Variants in DYM observed in about 807,000 individuals in gnomAD.
DYM encodes the protein dyggve-Melchior-Clausen syndrome protein.
Under a neutral mutation model 93.1 loss-of-function variants are expected in DYM, and 78 were observed. The ratio of observed to expected loss-of-function variants is 0.84; its 90% CI spans 0.70 to 1.01. The LOEUF (loss-of-function observed/expected upper bound fraction) is 1.01. Ranked by LOEUF, DYM falls within the 50% of genes least tolerant of loss-of-function variation. The pLI is 0.00. For synonymous variants in DYM, 321 were observed against 319.7 expected (o/e 1.00, Z -0.04); for missense variants, 789 against 845.0 (o/e 0.93, Z 0.82).
intron 1 of DYM, among the ~76,000 whole-genome samples, chr18:49,435,207 CAAAAAAAAA>C (rs150003482): frequency 2.3e-5 from 2 of 88,768 alleles, no homozygotes. Context: ...GACTCCATCT[CAAAAAAAAA>C]AAAAAAAAAA....
intron 17 of DYM, among the ~76,000 whole-genome samples, chr18:49,058,155 C>T (rs1013495558): frequency 6.6e-6 from 1 of 152,184 alleles, no homozygotes; most frequent in African/African-American, 2.4e-5. Flanking sequence ...CCTTCTCTAT[C>T]ATGATTTTTT....
intron 1 of DYM, among the ~76,000 whole-genome samples, chr18:49,438,425 C>G (rs75841071): frequency 0.091 from 13,891 of 152,048 alleles, 856 homozygotes; most frequent in East Asian, 0.31. Flanking sequence ...AAATAACAGG[C>G]GGCCAGAAGC....
At chr18:49,206,437 GTC>G (rs1446411338) in intron 14 of DYM, 1 of 152,194 alleles carries the variant, frequency 6.6e-6, no homozygotes, top group African/African-American at 2.4e-5. Flanking sequence ...GGCTTGGTTT[GTC>G]TCTCTATATA....
intron 14 of DYM, among the ~76,000 whole-genome samples, chr18:49,178,358 C>A (rs886702580): frequency 3.9e-5 from 6 of 152,020 alleles, no homozygotes; most frequent in African/African-American, 1.4e-4. Context: ...TTTAGTACAT[C>A]AGTACATGCT....
chr18:49,169,896 G>A (rs1347664351), intron 14 of DYM, among the ~76,000 whole-genome samples: 1 of 152,162 alleles, frequency 6.6e-6, no homozygotes, highest in African/African-American at 2.4e-5. Context: ...TCCAAATAAA[G>A]AGATGAGGAT....
intron 17 of DYM, among the ~76,000 whole-genome samples, chr18:49,049,081 G>A (rs972020462): frequency 1.3e-5 from 2 of 152,172 alleles, no homozygotes; most frequent in African/African-American, 2.4e-5. Flanking sequence ...AAGAGAAGAC[G>A]TGTAGATTTT....
At chr18:49,225,570 TATAAC>T (rs1384862112) in intron 13 of DYM, among the ~76,000 whole-genome samples, 10 of 152,124 alleles carry the variant, frequency 6.6e-5, no homozygotes, top group African/African-American at 1.7e-4. Flanking sequence ...CTCTTTACAA[TATAAC>T]ATAACAATAT....
rs1281635923 is a variant in DYM at position 49,440,129 on chromosome 18, G to A, written c.-53-9682C>T. On this transcript the variant is annotated intron_variant, in intron 1 of 17. Coordinates refer to ENST00000675505, the MANE Select transcript of DYM (RefSeq NM_001353214.3). ...ATAAAGTCAATCTCCTCTTTTATGT[G>A]TACTGACTATCTCTTGATTTGATGT... Among the ~76,000 whole-genome samples, 2 of 139,578 alleles carry A rather than the reference G, an allele frequency of 1.4e-5. 1 individual carries two copies. Among genetic ancestry groups the A allele is most frequent in the African/African-American group, 5.2e-5 (2 of 38,730 alleles). 91.6% of individuals were successfully genotyped at this position (139,578 alleles called of 152,430 possible).
At chr18:49,363,117 T>C (rs1464439577) in intron 6 of DYM, 44 bp downstream of exon 6, 2 of 1,475,996 alleles carry the variant, frequency 1.4e-6, no homozygotes, top group African/African-American at 1.4e-5. Flanking sequence ...TTATCTGCCA[T>C]ATACAAAGAA....
At chr18:49,352,531 G>C (rs1376443810) in intron 6 of DYM, among the ~76,000 whole-genome samples, 1 of 152,128 alleles carries the variant, frequency 6.6e-6, no homozygotes, top group Non-Finnish European at 1.5e-5. Flanking sequence ...GAGGAGTTGG[G>C]ATACAGACTG....
In DYM at chr18:49,430,455, A is replaced by T. The variant is rs2074706864; in HGVS notation, c.-53-8T>A. On this transcript the variant is annotated splice_polypyrimidine_tract_variant and splice_region_variant and intron_variant, in intron 1 of 17. Coordinates refer to ENST00000675505, the MANE Select transcript of DYM (RefSeq NM_001353214.3). The stretch of plus-strand genomic sequence containing the variant: ...GCATTTCCAAAAGACAACCTATAAA[A>T]AATAAAAATAAAAACTTTAAACTTG... 1 of 1,597,692 alleles carries T rather than the reference A, an allele frequency of 6.3e-7. No individual in the cohort carries two copies. Among genetic ancestry groups the T allele is most frequent in the African/African-American group, 1.3e-5 (1 of 74,466 alleles).
At chr18:49,339,054 A>G (rs2063878526) in intron 6 of DYM, among the ~76,000 whole-genome samples, 2 of 137,938 alleles carry the variant, frequency 1.4e-5, no homozygotes, top group African/African-American at 5.0e-5. Flanking sequence ...ACTCTGCTAG[A>G]AAAAAAAAAT....
rs2070790848 is a variant in DYM, at chr18:49,038,674, T to G, written c.*5381A>C. ...GATTTATCACAAATATCTTGCTTTC[T>G]ATTTGTTCCACCTGTTCTGCTTTTT... On this transcript the variant is annotated 3_prime_UTR_variant, in exon 18 of 18. Coordinates refer to ENST00000675505, the MANE Select transcript of DYM (RefSeq NM_001353214.3). Among the ~76,000 whole-genome samples, 1 of 152,256 alleles carries G rather than the reference T, an allele frequency of 6.6e-6. No homozygotes were observed.
At chr18:49,196,893 G>A (rs975489803) in intron 14 of DYM, among the ~76,000 whole-genome samples, 1 of 152,230 alleles carries the variant, frequency 6.6e-6, no homozygotes, top group African/African-American at 2.4e-5. Flanking sequence ...GTGTGATAAG[G>A]ACTGTCTGAG....
At chr18:49,198,989 CAAT>C (rs1481366705) in intron 14 of DYM, among the ~76,000 whole-genome samples, 2 of 152,014 alleles carry the variant, frequency 1.3e-5, no homozygotes, top group East Asian at 1.9e-4. Context: ...AAATGTCCAA[CAAT>C]GATAGACTGG....
chr18:49,320,492 C>T (rs1329286118), intron 8 of DYM, among the ~76,000 whole-genome samples: 1 of 152,002 alleles, frequency 6.6e-6, no homozygotes, highest in African/African-American at 2.4e-5. Flanking sequence ...ATTTTTTAAT[C>T]AAGACAGAGT....
At chr18:49,113,450 T>C (rs111732211) in intron 16 of DYM, among the ~76,000 whole-genome samples, 4 of 152,194 alleles carry the variant, frequency 2.6e-5, no homozygotes, top group Non-Finnish European at 5.9e-5. Context: ...TGTAGGCACT[T>C]GAAAAACATC....
At chr18:49,394,656 C>T (rs942783249) in intron 2 of DYM, among the ~76,000 whole-genome samples, 6 of 152,044 alleles carry the variant, frequency 3.9e-5, no homozygotes, top group African/African-American at 7.3e-5. Context: ...TCTTCCGATA[C>T]GTAACAAGGG....
intron 1 of DYM, among the ~76,000 whole-genome samples, chr18:49,455,789 C>G (rs2082931232): frequency 6.6e-6 from 1 of 151,896 alleles, no homozygotes; most frequent in Non-Finnish European, 1.5e-5. Context: ...CTACTAAAAA[C>G]AGTACAAAAA....
Sources: allele counts gnomAD v4.1 joint callset (sites outside exome capture counted in the v4.1 genomes callset), GRCh38; gene constraint gnomAD v4.1.1; transcripts MANE v1.5; gene names NCBI Gene and HGNC (gene_info 2026-07-23, HGNC 2026-07-21).